The following CENPP variants were observed in gnomAD, a reference collection of about 807,000 sequenced individuals.
The protein encoded by CENPP is centromere protein P.
Under a neutral mutation model 35.6 loss-of-function variants are expected in CENPP, and 24 were observed. The observed-to-expected ratio is 0.67, with a 90% CI of 0.49 to 0.95. The LOEUF (loss-of-function observed/expected upper bound fraction) is 0.95. CENPP is among the 40% of genes least tolerant of loss of function. The probability of loss-of-function intolerance (pLI) is 0.00; values close to 1 mark genes in which losing one functional copy is unlikely to be tolerated. For missense variants in CENPP, 332 were observed against 345.3 expected, an observed-to-expected ratio of 0.96 and a Z score of 0.31; for synonymous variants, 120 against 125.5, an observed-to-expected ratio of 0.96 and a Z score of 0.29.
chr9:92,609,289 C>T (rs552467708), intron 5 of CENPP, among the ~76,000 whole-genome samples: 13 of 152,240 alleles, frequency 8.5e-5, no homozygotes, highest in Non-Finnish European at 1.9e-4. Context: ...AAGAGCTCAG[C>T]GATGCAGGGG....
chr9:92,486,871 T>A (rs1040990837), intron 5 of CENPP, among the ~76,000 whole-genome samples: 1 of 150,506 alleles, frequency 6.6e-6, no homozygotes, highest in African/African-American at 2.4e-5. Flanking sequence ...AACCTCCACC[T>A]CCTGGGTTTA....
chr9:92,381,729 A>C (rs1842251112), intron 5 of CENPP, among the ~76,000 whole-genome samples: 1 of 152,146 alleles, frequency 6.6e-6, no homozygotes, highest in East Asian at 1.9e-4. Flanking sequence ...CAATTCTTTT[A>C]AGTGTAATGA....
intron 5 of CENPP, chr9:92,512,135 C>CA: frequency 6.2e-7 from 1 of 1,603,642 alleles, no homozygotes; most frequent in Non-Finnish European, 8.5e-7. Flanking sequence ...GCCTAGGACA[C>CA]ACAGCGGTTA....
intron 5 of CENPP, among the ~76,000 whole-genome samples, chr9:92,533,585 T>C (rs1361885241): frequency 1.3e-5 from 2 of 151,766 alleles, no homozygotes; most frequent in Admixed American, 6.6e-5. Flanking sequence ...TCACCCTTTC[T>C]AGTTATTCTC....
In CENPP at chr9:92,552,210, C is replaced by T. The variant is rs999628292; in HGVS notation, c.565-59104C>T. ...TCATATACACACACACACACACACA[C>T]ACACACCCCACAGTTTCTTTATCCA... On this transcript the variant is annotated intron_variant, in intron 5 of 7. Coordinates refer to ENST00000375587, the MANE Select transcript of CENPP (RefSeq NM_001012267.3). 6.6e-5 allele frequency among the ~76,000 whole-genome samples: 10 copies of T among 150,598 alleles called. 1 individual carries two copies. The highest frequency in any genetic ancestry group is 2.5e-4 in the African/African-American group (10 of 40,804).
rs569488274 is a variant in CENPP, at chr9:92,471,664, CTT to C, written c.564+91821_564+91822del. 7.3e-3 allele frequency among the ~76,000 whole-genome samples: 993 copies of C among 135,548 alleles called. 7 individuals are homozygous for C. Among genetic ancestry groups the C allele is most frequent in the African/African-American group, 0.023 (860 of 37,044 alleles). The allele number at this position is 135,548 out of a possible 152,430, so 88.9% of individuals were successfully genotyped here. A position where few individuals can be genotyped will look rare whatever the true frequency, so the allele number is the denominator to read the frequency against. On this transcript the variant is annotated intron_variant, in intron 5 of 7. Transcript: ENST00000375587. ...TCCACATACTGATTCATATATTATT[CTT>C]TTTTTTTTTTTTTTTAACTTGAGAC...
intron 4 of CENPP, among the ~76,000 whole-genome samples, chr9:92,360,992 C>G (rs1011271558): frequency 1.3e-4 from 20 of 152,064 alleles, no homozygotes; most frequent in Admixed American, 1.3e-3. Context: ...CAGGCGTGAG[C>G]CCCCGCCCCC....
At chr9:92,560,889 T>A (rs1456313611) in intron 5 of CENPP, among the ~76,000 whole-genome samples, 3 of 113,478 alleles carry the variant, frequency 2.6e-5, no homozygotes, top group Non-Finnish European at 5.3e-5. Context: ...TTTTTTTTTT[T>A]AAATTGGTTA....
At chr9:92,397,872 CAT>C (rs1564298598) in intron 5 of CENPP, among the ~76,000 whole-genome samples, 1 of 152,144 alleles carries the variant, frequency 6.6e-6, no homozygotes, top group African/African-American at 2.4e-5. Flanking sequence ...CATACACACA[CAT>C]AGAGATAAAC....
intron 5 of CENPP, among the ~76,000 whole-genome samples, chr9:92,449,351 T>C (rs961278319): frequency 2.2e-5 from 3 of 139,104 alleles, no homozygotes; most frequent in African/African-American, 5.4e-5. Flanking sequence ...TGAGGCAGAA[T>C]GGCGTGAACC....
At chr9:92,343,922 G>A (rs930963996) in intron 3 of CENPP, among the ~76,000 whole-genome samples, 1 of 133,840 alleles carries the variant, frequency 7.5e-6, no homozygotes, top group Non-Finnish European at 1.5e-5. Context: ...GTGATTGAAC[G>A]ACTGCATTCC....
chr9:92,390,188 A>T, intron 5 of CENPP: 1 of 587,200 alleles, frequency 1.7e-6, no homozygotes, highest in Non-Finnish European at 2.9e-6. Context: ...TTTACAATTC[A>T]TAGCCCAGTA....
rs569817751 is a variant in CENPP at position 92,593,095 on chromosome 9, C to T, written c.565-18219C>T. On this transcript the variant is annotated intron_variant, in intron 5 of 7. Coordinates refer to ENST00000375587, the MANE Select transcript of CENPP (RefSeq NM_001012267.3). This position sits in a 1 kb window ranked among gnomAD's most constrained non-coding sequence, Gnocchi z 4.1. Reference sequence around the variant, plus strand: ...CCCACTGTGTGAGCCTCCCAGCAGCCCTGGCATCATCTGCCCTAAGCATCC... The same window carrying T: ...CCCACTGTGTGAGCCTCCCAGCAGCTCTGGCATCATCTGCCCTAAGCATCC... 1.3e-5 allele frequency among the ~76,000 whole-genome samples: 2 copies of T among 152,320 alleles called. No homozygotes were observed. The highest frequency in any genetic ancestry group is 1.9e-4 in the East Asian group (1 of 5,180).
chr9:92,437,682 G>C (rs1301845399), intron 5 of CENPP, among the ~76,000 whole-genome samples: 1 of 152,138 alleles, frequency 6.6e-6, no homozygotes, highest in African/African-American at 2.4e-5. Flanking sequence ...TGGGATTACA[G>C]GCATGAGCCA....
chr9:92,447,229 A>G (rs1844575326), intron 5 of CENPP, among the ~76,000 whole-genome samples: 1 of 124,364 alleles, frequency 8.0e-6, no homozygotes, highest in Non-Finnish European at 1.6e-5. Context: ...TGTTTCTATT[A>G]TTATTACATT....
At chr9:92,432,486 G>A (rs950697447) in intron 5 of CENPP, among the ~76,000 whole-genome samples, 2 of 151,986 alleles carry the variant, frequency 1.3e-5, no homozygotes, top group South Asian at 2.1e-4. Context: ...TATAAACCAC[G>A]AGATGAAAGT....
intron 5 of CENPP, chr9:92,415,129 G>A (rs1041153955): frequency 4.5e-6 from 7 of 1,560,280 alleles, no homozygotes; most frequent in Non-Finnish European, 6.1e-6. Context: ...GAAGTCGTAA[G>A]TGTATACCTA....
At chr9:92,379,281 C>T (rs1842192340) in intron 4 of CENPP, among the ~76,000 whole-genome samples, 1 of 152,162 alleles carries the variant, frequency 6.6e-6, no homozygotes, top group South Asian at 2.1e-4. Context: ...GGTTAGCCCT[C>T]AAATGATGTG....
intron 2 of CENPP, among the ~76,000 whole-genome samples, chr9:92,332,887 T>C (rs1448280524): frequency 6.6e-6 from 1 of 151,196 alleles, no homozygotes; most frequent in Non-Finnish European, 1.5e-5. Context: ...TTTTTTTTTT[T>C]ACCTTCTCCT....
Sources: allele counts gnomAD v4.1 joint callset (sites outside exome capture counted in the v4.1 genomes callset), GRCh38; gene constraint gnomAD v4.1.1; non-coding constraint Gnocchi (gnomAD v3.1); transcripts MANE v1.5; gene names NCBI Gene and HGNC (gene_info 2026-07-23, HGNC 2026-07-21).